Variants in MRPL45 observed in about 807,000 individuals in gnomAD.
MRPL45 encodes the protein large ribosomal subunit protein mL45.
Under a neutral mutation model 38.1 loss-of-function variants are expected in MRPL45, and 20 were observed. That is an observed-to-expected ratio of 0.53 (90% CI 0.37 to 0.76). The LOEUF is 0.76. Ranked by LOEUF, MRPL45 falls within the 30% of genes least tolerant of loss-of-function variation. MRPL45 has a pLI of 0.00. For missense variants in MRPL45, 337 were observed against 395.6 expected, an observed-to-expected ratio of 0.85 and a Z score of 1.26; for synonymous variants, 105 against 128.8, an observed-to-expected ratio of 0.82 and a Z score of 1.25.
Position 38,306,718 on chromosome 17 carries a change from T to C in MRPL45, c.461+87T>C, listed in dbSNP as rs1224683133. The C allele has an allele frequency of 9.6e-6, 15 of 1,555,538 alleles. No homozygotes were observed. The South Asian group carries it at 1.8e-4, about 18-fold the overall frequency. ...AGTTTTTTTGTTTGTTTGTTTTTGTTTTGCACAAATTTGTTTTCTGCCTTC... is the reference window on the plus strand; with the variant it reads ...AGTTTTTTTGTTTGTTTGTTTTTGTCTTGCACAAATTTGTTTTCTGCCTTC... On this transcript the variant is annotated intron_variant, in intron 4 of 7. Coordinates refer to ENST00000613675, the MANE Select transcript of MRPL45 (RefSeq NM_032351.6).
In MRPL45 at chr17:38,298,552, T is replaced by C; in HGVS notation, c.170T>C (p.Met57Thr). The change falls in exon 2 of 8, where the codon ATG becomes ACG. Residue 57 changes from methionine (M) to threonine (T), a missense_variant. Physicochemically the swap from Met to Thr is moderately conservative, Grantham distance 81. This residue lies in a region of MRPL45 where 60 missense variants were observed against 109.6 expected (regional missense o/e 0.55). Transcript: ENST00000613675. Reference sequence around the variant, plus strand: ...AAATTTAAAACAGAAAAGGAGTTTATGCAACATGCCCGGAAAGCAGGATTG... The same window carrying C: ...AAATTTAAAACAGAAAAGGAGTTTACGCAACATGCCCGGAAAGCAGGATTG... ...QPKFKTEKEF[M>T]QHARKAGLVI... The C allele has an allele frequency of 6.2e-7, 1 of 1,613,842 alleles. No homozygotes were observed. The highest frequency in any genetic ancestry group is 8.5e-7 in the Non-Finnish European group (1 of 1,179,844).
At chr17:38,304,306 A>G (rs867836478) in intron 3 of MRPL45, among the ~76,000 whole-genome samples, 1 of 152,120 alleles carries the variant, frequency 6.6e-6, no homozygotes, top group African/African-American at 2.4e-5. Context: ...TGTCTCTACA[A>G]AAACTAAAAA....
intron 4 of MRPL45, among the ~76,000 whole-genome samples, chr17:38,317,012 G>A (rs935569833): frequency 2.0e-5 from 3 of 152,054 alleles, no homozygotes; most frequent in Admixed American, 2.0e-4. Flanking sequence ...TGGCCAGGAT[G>A]GTCTTGATCT....
intron 3 of MRPL45, among the ~76,000 whole-genome samples, chr17:38,299,843 C>T (rs7503513): frequency 0.097 from 14,473 of 149,356 alleles, 1,259 homozygotes; most frequent in Middle Eastern, 0.23. Flanking sequence ...TTCAAATGAT[C>T]CTCCTGCCTC....
At chr17:38,312,810 C>T (rs2037125046) in intron 4 of MRPL45, among the ~76,000 whole-genome samples, 1 of 150,298 alleles carries the variant, frequency 6.7e-6, no homozygotes. Context: ...TGTGTCACTA[C>T]ACTCCAGCCT....
At chr17:38,304,605 G>A (rs1395877102) in intron 3 of MRPL45, among the ~76,000 whole-genome samples, 4 of 151,898 alleles carry the variant, frequency 2.6e-5, no homozygotes, top group South Asian at 2.1e-4. Context: ...TTGCAGTGGC[G>A]CGATCTTGAC....
intron 4 of MRPL45, among the ~76,000 whole-genome samples, chr17:38,311,618 G>C (rs1214026941): frequency 6.6e-6 from 1 of 151,174 alleles, no homozygotes; most frequent in South Asian, 2.1e-4. Flanking sequence ...CCCAGGAGGT[G>C]GAGGTTGCAG....
At chr17:38,300,304 C>CCACGCTGGGCTATCATGTTTGTT (rs2036980489) in intron 3 of MRPL45, among the ~76,000 whole-genome samples, 1 of 152,074 alleles carries the variant, frequency 6.6e-6, no homozygotes, top group Non-Finnish European at 1.5e-5. Context: ...GCGTGAGCCA[C>CCACGCTGGGCTATCATGTTTGTT]TGCGCCCAGC....
chr17:38,310,073 G>A (rs1453229202), intron 4 of MRPL45, among the ~76,000 whole-genome samples: 2 of 149,442 alleles, frequency 1.3e-5, no homozygotes, highest in African/African-American at 2.5e-5. Flanking sequence ...CCTACCTATC[G>A]AGTTCTTAAT....
At chr17:38,313,348 G>GTATA (rs1194428266) in intron 4 of MRPL45, among the ~76,000 whole-genome samples, 42 of 18,032 alleles carry the variant, frequency 2.3e-3, no homozygotes, top group African/African-American at 9.9e-3. Context: ...ATATATATAC[G>GTATA]TATATATATA....
intron 4 of MRPL45, among the ~76,000 whole-genome samples, chr17:38,316,787 T>C (rs1458409207): frequency 6.7e-6 from 1 of 150,006 alleles, no homozygotes; most frequent in Non-Finnish European, 1.5e-5. Flanking sequence ...TTGTCTGTTT[T>C]ACATTTTATC....
Position 38,322,814 on chromosome 17 carries a change from A to G in MRPL45, c.*219A>G, listed in dbSNP as rs2144245051. The G allele has an allele frequency of 1.9e-6, 1 of 528,120 alleles. No homozygotes were observed. Among genetic ancestry groups the G allele is most frequent in the African/African-American group, 1.9e-5 (1 of 52,660 alleles). The allele number at this position is 528,120 out of a possible 1,614,324, so 32.7% of individuals were successfully genotyped here. On this transcript the variant is annotated 3_prime_UTR_variant, in exon 8 of 8. Coordinates refer to ENST00000613675, the MANE Select transcript of MRPL45 (RefSeq NM_032351.6). The stretch of plus-strand genomic sequence containing the variant: ...TGGACACTCTTCTTTTTTAAATTTT[A>G]TGTCTAGCTTCTGAGTCTAGATGAA...
intron 4 of MRPL45, among the ~76,000 whole-genome samples, chr17:38,313,333 C>CTTATAT (rs1230995888): frequency 5.8e-5 from 1 of 17,254 alleles, no homozygotes; most frequent in African/African-American, 2.3e-4. Context: ...TATATATATA[C>CTTATAT]ATATATATAT....
At chr17:38,302,531 A>C (rs1423147198) in intron 3 of MRPL45, among the ~76,000 whole-genome samples, 1 of 112,246 alleles carries the variant, frequency 8.9e-6, no homozygotes, top group Non-Finnish European at 1.8e-5. Context: ...TTTTTTTTAG[A>C]GTTAGCCAGG....
rs2037245018 is a variant in MRPL45 at position 38,322,801 on chromosome 17, T to C, written c.*206T>C. ...TATAACATGGCCATGGACACTCTTCTTTTTTAAATTTTATGTCTAGCTTCT... is the reference window on the plus strand; with the variant it reads ...TATAACATGGCCATGGACACTCTTCCTTTTTAAATTTTATGTCTAGCTTCT... On this transcript the variant is annotated 3_prime_UTR_variant, in exon 8 of 8. Transcript: ENST00000613675. 1 of 537,562 alleles carries C rather than the reference T, an allele frequency of 1.9e-6. No homozygotes were observed. The highest frequency in any genetic ancestry group is 1.9e-5 in the African/African-American group (1 of 52,772). 33.3% of individuals were successfully genotyped at this position (537,562 alleles called of 1,614,324 possible). A position where few individuals can be genotyped will look rare whatever the true frequency, so the allele number is the denominator to read the frequency against.
chr17:38,310,690 A>G (rs1377391522), intron 4 of MRPL45, among the ~76,000 whole-genome samples: 1 of 152,114 alleles, frequency 6.6e-6, no homozygotes, highest in African/African-American at 2.4e-5. Flanking sequence ...CAGTGGCTCG[A>G]TCATGGCTCA....
Position 38,300,557 on chromosome 17 carries a change from C to T in MRPL45, c.362+1089C>T, listed in dbSNP as rs550984480. Among the ~76,000 whole-genome samples the T allele has an allele frequency of 3.3e-5, 5 of 152,158 alleles. No individual in the cohort carries two copies. In the South Asian group the frequency reaches 8.3e-4, roughly 25 times the overall value. ...CATAGGCCACTGTGCCCAGAGTAGC[C>T]GCTGTCACTATATGTAAATCATGTA... On this transcript the variant is annotated intron_variant, in intron 3 of 7. Coordinates refer to ENST00000613675, the MANE Select transcript of MRPL45 (RefSeq NM_032351.6).
intron 4 of MRPL45, among the ~76,000 whole-genome samples, chr17:38,317,061 G>T (rs754168812): frequency 6.6e-6 from 1 of 152,140 alleles, no homozygotes; most frequent in Non-Finnish European, 1.5e-5. Context: ...CTCCCAAAGT[G>T]CTGGGATTAC....
intron 6 of MRPL45, among the ~76,000 whole-genome samples, chr17:38,321,053 T>C (rs1354665221): frequency 1.3e-5 from 2 of 152,098 alleles, no homozygotes; most frequent in African/African-American, 2.4e-5. Flanking sequence ...TGTGGCTCAC[T>C]GCAGCCTCAA....
Sources: gnomAD v4.1 joint callset for allele counts (sites outside exome capture counted in the v4.1 genomes callset) on GRCh38, gnomAD v4.1.1 for gene constraint, gnomAD v4.1.1 regional missense constraint, MANE v1.5 for transcripts, NCBI Gene and HGNC (gene_info 2026-07-23, HGNC 2026-07-21) for gene names.